The following PLXDC1 variants were observed in gnomAD, a reference collection of about 807,000 sequenced individuals.
The protein encoded by PLXDC1 is plexin domain containing 1.
A neutral mutation model predicts 61.3 loss-of-function variants in PLXDC1; 39 were observed. The observed-to-expected ratio is 0.64, with a 90% CI of 0.49 to 0.83. The LOEUF (loss-of-function observed/expected upper bound fraction) is 0.83, where lower values mean the gene tolerates loss of function less well. Among genes scored for constraint, PLXDC1 ranks in the 40% least tolerant of loss-of-function variants. PLXDC1 has a pLI of 0.00. For synonymous variants in PLXDC1, 212 were observed against 254.5 expected, an observed-to-expected ratio of 0.83 and a Z score of 1.59; for missense variants, 596 against 666.5, an observed-to-expected ratio of 0.89 and a Z score of 1.17.
chr17:39,109,008 G>C, intron 3 of PLXDC1, 35 bp from the exon 4 acceptor site: 1 of 1,539,988 alleles, frequency 6.5e-7, no homozygotes. Context: ...CACGGGCCAA[G>C]CTGCAGGCCA....
At chr17:39,069,208 G>T (rs1033166694) in intron 13 of PLXDC1, among the ~76,000 whole-genome samples, 21 of 152,136 alleles carry the variant, frequency 1.4e-4, no homozygotes, top group African/African-American at 5.1e-4. Flanking sequence ...TGGGCTCAAG[G>T]GATCCTCCCA....
chr17:39,150,799 T>G (rs2045367545), intron 1 of PLXDC1, among the ~76,000 whole-genome samples: 1 of 152,158 alleles, frequency 6.6e-6, no homozygotes. Flanking sequence ...AGTTGCTTCT[T>G]CCTGGGCCCA....
Position 39,090,949 on chromosome 17 carries a change from C to T in PLXDC1, c.812-3247G>A, listed in dbSNP as rs76195330. 9.7e-3 allele frequency among the ~76,000 whole-genome samples: 1,482 copies of T among 152,340 alleles called. 12 individuals carry two copies. The highest frequency in any genetic ancestry group is 0.012 in the Non-Finnish European group (849 of 68,028). ...AAGTCTGATGGGTCCCCCAGTTCCC[C>T]GCTGCTGTGGAGAGAGAGGAGGCCC... On this transcript the variant is annotated intron_variant, in intron 7 of 13. Transcript: ENST00000315392.
chr17:39,111,510 C>A (rs1346529232), intron 2 of PLXDC1, among the ~76,000 whole-genome samples: 1 of 152,166 alleles, frequency 6.6e-6, no homozygotes, highest in African/African-American at 2.4e-5. Flanking sequence ...GTCTCAAACT[C>A]CTGACCTCAA....
At chr17:39,152,184 A>C (rs1469518551), upstream of PLXDC1, among the ~76,000 whole-genome samples, 29 of 89,288 alleles carry the variant, frequency 3.2e-4, no homozygotes, top group South Asian at 8.7e-4. Context: ...TTATCCCTCC[A>C]CCCCCCATTT....
intron 2 of PLXDC1, among the ~76,000 whole-genome samples, chr17:39,118,084 C>CCCTTCCTTCCTTCCTTCCTTCCTTCCTT (rs56223337): frequency 4.9e-5 from 5 of 101,810 alleles, no homozygotes; most frequent in African/African-American, 1.9e-4. Context: ...CTCCCTCCCT[C>CCCTTCCTTCCTTCCTTCCTTCCTTCCTT]CCTTCCTTCC....
At chr17:39,088,817 T>C (rs1460665190) in intron 7 of PLXDC1, among the ~76,000 whole-genome samples, 1 of 151,110 alleles carries the variant, frequency 6.6e-6, no homozygotes, top group African/African-American at 2.4e-5. Context: ...GGTGTGGTGG[T>C]ACACGCCTGT....
chr17:39,096,701 T>C (rs1427083392), intron 7 of PLXDC1, among the ~76,000 whole-genome samples: 1 of 152,236 alleles, frequency 6.6e-6, no homozygotes. Context: ...TCTGGAGCTC[T>C]TTGTAAGAAA....
chr17:39,131,447 G>C (rs1043160264), intron 2 of PLXDC1, among the ~76,000 whole-genome samples: 1 of 151,930 alleles, frequency 6.6e-6, no homozygotes, highest in African/African-American at 2.4e-5. Context: ...TCCACCTCCA[G>C]GTTCAAGCGA....
chr17:39,146,225 C>A (rs1776254235), intron 1 of PLXDC1, among the ~76,000 whole-genome samples: 1 of 152,098 alleles, frequency 6.6e-6, no homozygotes, highest in Non-Finnish European at 1.5e-5. Flanking sequence ...AGTGCGCCAC[C>A]ACACCCAGCT....
chr17:39,130,747 A>G (rs1911532652), intron 2 of PLXDC1, among the ~76,000 whole-genome samples: 1 of 151,996 alleles, frequency 6.6e-6, no homozygotes, highest in Non-Finnish European at 1.5e-5. Flanking sequence ...ATTTTAGTAG[A>G]GACGGGGTTT....
chr17:39,090,363 G>GC (rs1909900338), intron 7 of PLXDC1, among the ~76,000 whole-genome samples: 2 of 152,292 alleles, frequency 1.3e-5, no homozygotes, highest in African/African-American at 2.4e-5. Context: ...AAATGCTGGT[G>GC]CCCCCCACTC....
In PLXDC1 at chr17:39,105,781, C is replaced by T. The variant is rs1456197602; in HGVS notation, c.811+73G>A. 9 of 917,818 alleles carry T rather than the reference C, an allele frequency of 9.8e-6. No individual in the cohort carries two copies. The Admixed American group carries it at 1.7e-4, about 17-fold the overall frequency. The allele number at this position is 917,818 out of a possible 1,614,324, so 56.9% of individuals were successfully genotyped here. On this transcript the variant is annotated intron_variant, in intron 7 of 13. Transcript: ENST00000315392. ...GTCTACTCCCTGCCACTGCCATCCC[C>T]CCAGCAGCTCAGGTTCAGTCTGAGC...
intron 2 of PLXDC1, among the ~76,000 whole-genome samples, chr17:39,136,727 TTTTTG>T (rs1481761948): frequency 6.6e-6 from 1 of 152,170 alleles, no homozygotes; most frequent in Admixed American, 6.5e-5. Context: ...ACAGGATGCT[TTTTTG>T]TTAAAGAAAA....
chr17:39,131,478 G>GA lies in PLXDC1; in HGVS notation c.255+8175dup. Among the ~76,000 whole-genome samples, 4 of 151,952 alleles carry GA rather than the reference G, an allele frequency of 2.6e-5. No individual in the cohort carries two copies. The East Asian group carries it at 7.8e-4, about 29-fold the overall frequency. ...AGCGATTCTCCTGCCTCAGCTTCCC[G>GA]AGTAACTAAGATTATAGGCGTGCAC... On this transcript the variant is annotated intron_variant, in intron 2 of 13. Transcript: ENST00000315392.
In PLXDC1 at chr17:39,067,500, C is replaced by T. The variant is rs1025751926; in HGVS notation, c.*340G>A. On this transcript the variant is annotated 3_prime_UTR_variant, in exon 14 of 14. Transcript: ENST00000315392. The stretch of plus-strand genomic sequence containing the variant: ...GTCAGTGCTCTAAAGTTATCCTAGC[C>T]TAGGTGCAGGAATAGGTAAAGGCCC... The T allele has an allele frequency of 3.1e-5, 6 of 191,338 alleles. No individual in the cohort carries two copies. The highest frequency in any genetic ancestry group is 5.4e-5 in the Non-Finnish European group (5 of 93,058). 11.9% of individuals were successfully genotyped at this position (191,338 alleles called of 1,614,324 possible).
At chr17:39,098,917 C>G (rs1437244853) in intron 7 of PLXDC1, among the ~76,000 whole-genome samples, 4 of 152,146 alleles carry the variant, frequency 2.6e-5, no homozygotes, top group Non-Finnish European at 5.9e-5. Context: ...GTTGACTGCA[C>G]CCAGCTGTGC....
intron 2 of PLXDC1, among the ~76,000 whole-genome samples, chr17:39,111,389 A>G (rs746144451): frequency 3.9e-5 from 6 of 152,144 alleles, no homozygotes; most frequent in Non-Finnish European, 7.4e-5. Flanking sequence ...GGTTCAAGCG[A>G]TTCTCGTGCC....
intron 7 of PLXDC1, among the ~76,000 whole-genome samples, chr17:39,094,996 A>G (rs571607781): frequency 6.6e-6 from 1 of 152,316 alleles, no homozygotes; most frequent in South Asian, 2.1e-4. Flanking sequence ...TGGGGCACAG[A>G]TAGAGACTCA....
Sources: allele counts gnomAD v4.1 joint callset (sites outside exome capture counted in the v4.1 genomes callset), GRCh38; gene constraint gnomAD v4.1.1; transcripts MANE v1.5; gene names NCBI Gene and HGNC (gene_info 2026-07-23, HGNC 2026-07-21).